PHC1: variants seen among roughly 807,000 people sequenced by gnomAD.
PHC1 encodes polyhomeotic-like protein 1.
A neutral mutation model predicts 104.3 loss-of-function variants in PHC1; 12 were observed. The ratio of observed to expected loss-of-function variants is 0.12; its 90% CI spans 0.07 to 0.19. The LOEUF is 0.19. PHC1 is among the 10% of genes least tolerant of loss of function. The pLI is 1.00. For missense variants in PHC1, 671 were observed against 1,200.0 expected, an observed-to-expected ratio of 0.56 and a Z score of 6.51; for synonymous variants, 302 against 455.8, an observed-to-expected ratio of 0.66 and a Z score of 4.30.
chr12:8,931,753 T>C (rs982889898), intron 7 of PHC1, among the ~76,000 whole-genome samples: 1 of 152,200 alleles, frequency 6.6e-6, no homozygotes. Flanking sequence ...GTGTATCTTA[T>C]TTGGTCATGT....
chr12:8,933,795 G>A (rs1246415190), intron 8 of PHC1, 70 bp from the exon 9 acceptor site: 3 of 1,321,380 alleles, frequency 2.3e-6, no homozygotes, highest in Non-Finnish European at 3.2e-6. Context: ...TGAACATATG[G>A]TAATAATTGT....
intron 5 of PHC1, among the ~76,000 whole-genome samples, chr12:8,922,005 G>C (rs1945380461): frequency 6.6e-6 from 1 of 152,168 alleles, no homozygotes; most frequent in South Asian, 2.1e-4. Context: ...GTAGAGACGG[G>C]GTTTCACCAT....
rs76909152 is a variant in PHC1 at position 8,920,045 on chromosome 12, C to A, written c.225+179C>A. On this transcript the variant is annotated intron_variant, in intron 3 of 14. Transcript: ENST00000544916. Reference sequence around the variant, plus strand: ...TAGCTTCTGGGGTTGCAGTAAGAACCGTAAAATCACTTTTTAGGTATAGAG... The same window carrying A: ...TAGCTTCTGGGGTTGCAGTAAGAACAGTAAAATCACTTTTTAGGTATAGAG... 6 of 926,634 alleles carry A rather than the reference C, an allele frequency of 6.5e-6. No homozygotes were observed. The Admixed American group carries it at 7.9e-5, about 12-fold the overall frequency. The allele number at this position is 926,634 out of a possible 1,614,324, so 57.4% of individuals were successfully genotyped here. A position where few individuals can be genotyped will look rare whatever the true frequency, so the allele number is the denominator to read the frequency against.
At chr12:8,926,434 T>C (rs1318344465) in intron 6 of PHC1, among the ~76,000 whole-genome samples, 1 of 147,780 alleles carries the variant, frequency 6.8e-6, no homozygotes, top group Non-Finnish European at 1.5e-5. Context: ...CTGGGCAGCG[T>C]AGTCAAACTC....
intron 6 of PHC1, among the ~76,000 whole-genome samples, chr12:8,925,907 C>G (rs2137085964): frequency 6.6e-6 from 1 of 152,180 alleles, no homozygotes; most frequent in South Asian, 2.1e-4. Context: ...AATAACTGTT[C>G]TAACAGTTTA....
chr12:8,923,829 C>CAAA (rs67936637), intron 6 of PHC1, among the ~76,000 whole-genome samples: 22 of 122,270 alleles, frequency 1.8e-4, no homozygotes, highest in South Asian at 5.0e-4. Context: ...GACTCCGTCT[C>CAAA]AAAAAAAAAA....
In PHC1 at chr12:8,933,904, T is replaced by C; in HGVS notation, c.1933T>C (p.Ser645Pro). The C allele has an allele frequency of 6.2e-7, 1 of 1,613,356 alleles. No individual in the cohort carries two copies. The highest frequency in any genetic ancestry group is 8.5e-7 in the Non-Finnish European group (1 of 1,179,208). The change falls in exon 9 of 15, where the codon TCT (serine) becomes CCT (proline). Residue 645 changes from serine (S) to proline (P), a missense_variant. Physicochemically the swap from Ser to Pro is moderately conservative, Grantham distance 74 (BLOSUM62 -1). This residue lies in a region of PHC1 where 95 missense variants were observed against 108.8 expected (regional missense o/e 0.87). Transcript: ENST00000544916. ...QTLAVKRKAD[S>P]EEERDDVSTL... is the part of the protein sequence containing the mutation. ...ATTGGCTGTCAAACGCAAGGCTGACTCTGAGGAGGAGAGAGATGATGTCTC... is the reference window on the plus strand; with the variant it reads ...ATTGGCTGTCAAACGCAAGGCTGACCCTGAGGAGGAGAGAGATGATGTCTC...
intron 6 of PHC1, among the ~76,000 whole-genome samples, chr12:8,927,852 G>GT (rs767602046): frequency 7.4e-6 from 1 of 135,726 alleles, no homozygotes; most frequent in African/African-American, 2.8e-5. Context: ...TACTGTACTA[G>GT]TTTTCTTTCT....
At chr12:8,922,003 G>A (rs980784376) in intron 5 of PHC1, among the ~76,000 whole-genome samples, 15 of 152,106 alleles carry the variant, frequency 9.9e-5, no homozygotes, top group African/African-American at 3.6e-4. Context: ...TAGTAGAGAC[G>A]GGGTTTCACC....
At chr12:8,928,166 C>T (rs1945582780) in intron 6 of PHC1, among the ~76,000 whole-genome samples, 1 of 151,994 alleles carries the variant, frequency 6.6e-6, no homozygotes, top group South Asian at 2.1e-4. Flanking sequence ...CCTTGGTCTC[C>T]CAAAGTGCTA....
intron 14 of PHC1, among the ~76,000 whole-genome samples, chr12:8,939,034 C>G (rs1342672360): frequency 6.6e-6 from 1 of 152,232 alleles, no homozygotes; most frequent in Non-Finnish European, 1.5e-5. Flanking sequence ...CCATGTTGCC[C>G]AGGATGGTCT....
chr12:8,921,157 T>C, intron 4 of PHC1, 92 bp downstream of exon 4: 1 of 950,738 alleles, frequency 1.1e-6, no homozygotes, highest in Non-Finnish European at 1.6e-6. Flanking sequence ...AGAGTGTTTA[T>C]TGAGCCGTCA....
rs773432054 is a variant in PHC1 at position 8,937,316 on chromosome 12, A to G, written c.2618A>G (p.Lys873Arg). ...SDIARAKIQGKCHRGQEDSSR... is the reference protein window; with the variant it reads ...SDIARAKIQGRCHRGQEDSSR... ...ATTGCCCGTGCCAAGATTCAGGGCA[A>G]GTGCCACCGGGTGAGCTGCTTGTTG... The change falls in exon 13 of 15, where the codon AAG (lysine) becomes AGG (arginine). Residue 873 changes from lysine (K) to arginine (R), a missense_variant. Physicochemically the swap from Lys to Arg is conservative, Grantham distance 26. Transcript: ENST00000544916. The G allele has an allele frequency of 1.0e-5, 16 of 1,607,850 alleles. No individual in the cohort carries two copies. The highest frequency in any genetic ancestry group is 4.4e-5 in the South Asian group (4 of 90,108).
At chr12:8,921,117 T>G in intron 4 of PHC1, 52 bp downstream of exon 4, 1 of 1,341,860 alleles carries the variant, frequency 7.5e-7, no homozygotes, top group South Asian at 1.3e-5. Flanking sequence ...TCTTTGTCTC[T>G]GGGTTAAATT....
At chr12:8,932,423 T>C in intron 7 of PHC1, 140 bp from the exon 8 acceptor site, 1 of 810,852 alleles carries the variant, frequency 1.2e-6, no homozygotes, top group Non-Finnish European at 2.0e-6. Flanking sequence ...TGTCCAAGTT[T>C]CATACTGACT....
At chr12:8,937,731 A>AG in intron 13 of PHC1, 98 bp from the exon 14 acceptor site, 1 of 819,880 alleles carries the variant, frequency 1.2e-6, no homozygotes. Flanking sequence ...TGATAAGATG[A>AG]GTTTTTCTTC....
At chr12:8,935,082 A>T in intron 10 of PHC1, 42 bp from the exon 11 acceptor site, 1 of 994,774 alleles carries the variant, frequency 1.0e-6, no homozygotes, top group Non-Finnish European at 1.5e-6. Context: ...GAGAAGCAGA[A>T]GGGGATCAGG....
intron 6 of PHC1, among the ~76,000 whole-genome samples, chr12:8,923,699 G>A (rs936288847): frequency 6.6e-6 from 1 of 151,940 alleles, no homozygotes. Context: ...GCGTGGTGGT[G>A]GGTGCTTGTA....
At chr12:8,920,905 C>G (rs1228496483) in intron 3 of PHC1, 80 bp from the exon 4 acceptor site, 17 of 917,250 alleles carry the variant, frequency 1.9e-5, no homozygotes, top group South Asian at 6.2e-5. Context: ...ATGTTTTGTG[C>G]TTGTGATTTA....
Sources: gnomAD v4.1 joint callset for allele counts (sites outside exome capture counted in the v4.1 genomes callset) on GRCh38, gnomAD v4.1.1 for gene constraint, gnomAD v4.1.1 regional missense constraint, MANE v1.5 for transcripts, NCBI Gene and HGNC (gene_info 2026-07-23, HGNC 2026-07-21) for gene names.